The following HMCN2 variants were observed in gnomAD, a reference collection of about 807,000 sequenced individuals.
HMCN2 encodes the protein hemicentin-2.
In HMCN2, 325 loss-of-function variants were observed where a neutral mutation model predicts 377.5. The observed-to-expected ratio is 0.86, with a 90% CI of 0.79 to 0.94. The LOEUF (loss-of-function observed/expected upper bound fraction) is 0.94. Among genes scored for constraint, HMCN2 ranks in the 40% least tolerant of loss-of-function variants. The pLI is 0.00. For synonymous variants in HMCN2, 2,007 were observed against 2,046.8 expected, an observed-to-expected ratio of 0.98 and a Z score of 0.53; for missense variants, 4,543 against 4,725.3, an observed-to-expected ratio of 0.96 and a Z score of 1.13.
Position 130,349,026 on chromosome 9 carries a change from T to C in HMCN2, c.4198T>C (p.Ser1400Pro). The stretch of plus-strand genomic sequence containing the variant: ...CCACCGCCTCCTGGACGAGGGCCAG[T>C]CCCTCCACTTCCCCAGGATCCAGGA... ...GGHRLLDEGQ[S>P]LHFPRIQEGD... The change falls in exon 28 of 98, where the codon TCC (serine) becomes CCC (proline). Residue 1400 changes from serine (S) to proline (P), a missense_variant. Physicochemically the swap from Ser to Pro is moderately conservative, Grantham distance 74. This residue lies in a region of HMCN2 where 1,032 missense variants were observed against 1,285.1 expected (regional missense o/e 0.80). Transcript: ENST00000683500. 1 of 1,304,126 alleles carries C rather than the reference T, an allele frequency of 7.7e-7. No homozygotes were observed. The highest frequency in any genetic ancestry group is 1.5e-5 in the African/African-American group (1 of 65,938). The allele number at this position is 1,304,126 out of a possible 1,614,324, so 80.8% of individuals were successfully genotyped here. A position where few individuals can be genotyped will look rare whatever the true frequency, so the allele number is the denominator to read the frequency against.
At chr9:130,298,586 C>T (rs1418908173) in intron 7 of HMCN2, among the ~76,000 whole-genome samples, 1 of 152,134 alleles carries the variant, frequency 6.6e-6, no homozygotes, top group East Asian at 1.9e-4. Flanking sequence ...ACATTTCCAT[C>T]AAGACAGTAA....
intron 86 of HMCN2, among the ~76,000 whole-genome samples, chr9:130,420,872 G>A (rs781557941): frequency 1.3e-4 from 20 of 152,038 alleles, no homozygotes; most frequent in Non-Finnish European, 2.4e-4. Context: ...TTTGGGTGGT[G>A]TGGTAGCATT....
At chr9:130,336,150 A>G (rs1359833439) in intron 22 of HMCN2, among the ~76,000 whole-genome samples, 8 of 152,190 alleles carry the variant, frequency 5.3e-5, no homozygotes, top group African/African-American at 9.7e-5. Context: ...AAGGAAGGAA[A>G]GAAGGAAGAG....
At chr9:130,400,975 G>C (rs1842836310) in intron 77 of HMCN2, 28 bp downstream of exon 77, 1 of 1,273,466 alleles carries the variant, frequency 7.9e-7, no homozygotes, top group Non-Finnish European at 1.0e-6. Context: ...ACAGAGAGAG[G>C]CAGCTGAGGG....
In HMCN2 at chr9:130,369,531, A is replaced by C. The variant is rs983007767; in HGVS notation, c.6788-39A>C. The C allele has an allele frequency of 1.4e-5, 14 of 982,722 alleles. No individual in the cohort carries two copies. The highest frequency in any genetic ancestry group is 1.7e-5 in the Non-Finnish European group (14 of 827,294). The allele number at this position is 982,722 out of a possible 1,614,324, so 60.9% of individuals were successfully genotyped here. A position where few individuals can be genotyped will look rare whatever the true frequency, so the allele number is the denominator to read the frequency against. On this transcript the variant is annotated intron_variant, in intron 44 of 97. Transcript: ENST00000683500. The surrounding 1 kb of genome is among the most constrained non-coding windows in gnomAD (Gnocchi z 4.5). ...TAAGTGTGTGGTGCCTGGTGGCCCC[A>C]GCAGCTTTCTCTGATGGGCTTTCTC... is the stretch of plus-strand genomic sequence containing the variant.
At chr9:130,287,482 C>T (rs1835477049) in intron 4 of HMCN2, among the ~76,000 whole-genome samples, 1 of 134,362 alleles carries the variant, frequency 7.4e-6, no homozygotes, top group African/African-American at 2.8e-5. Flanking sequence ...ACCTGGGAGG[C>T]GGAGGTTGTG....
rs538662016 is a variant in HMCN2 at position 130,308,025 on chromosome 9, C to G, written c.2200+459C>G. Among the ~76,000 whole-genome samples, 1 of 151,996 alleles carries G rather than the reference C, an allele frequency of 6.6e-6. No individual in the cohort carries two copies. The highest frequency in any genetic ancestry group is 2.4e-5 in the African/African-American group (1 of 41,418). ...AGGCTGGTGTGCAGTGGTGTAATCT[C>G]GGCTCACTGCAGCCTCCACCTCCTG... On this transcript the variant is annotated intron_variant, in intron 14 of 97. Coordinates refer to ENST00000683500, the MANE Select transcript of HMCN2 (RefSeq NM_001291815.2). The surrounding 1 kb of genome is among the most constrained non-coding windows in gnomAD (Gnocchi z 4.1).
rs1588280877 is a variant in HMCN2 at position 130,347,868 on chromosome 9, T to A, written c.4024+508T>A. 1.2e-5 allele frequency: 4 copies of A among 326,560 alleles called. No individual in the cohort carries two copies. The highest frequency in any genetic ancestry group is 1.8e-5 in the Non-Finnish European group (4 of 228,190). The allele number at this position is 326,560 out of a possible 1,614,324, so 20.2% of individuals were successfully genotyped here. ...CTCTACATAAAATAAACTTAAAAAATTATTTTTAAAAATGAGCACGGATGG... is the reference window on the plus strand; with the variant it reads ...CTCTACATAAAATAAACTTAAAAAAATATTTTTAAAAATGAGCACGGATGG... On this transcript the variant is annotated intron_variant, in intron 26 of 97. Coordinates refer to ENST00000683500, the MANE Select transcript of HMCN2 (RefSeq NM_001291815.2). The surrounding 1 kb of genome is among the most constrained non-coding windows in gnomAD (Gnocchi z 5.1).
At position 130,360,874 on chromosome 9, in the gene HMCN2, T is replaced by C. The variant is rs1320185185; in HGVS notation, c.5950+270T>C. On this transcript the variant is annotated intron_variant, in intron 38 of 97. Transcript: ENST00000683500. The surrounding 1 kb of genome is among the most constrained non-coding windows in gnomAD (Gnocchi z 4.7). The stretch of plus-strand genomic sequence containing the variant: ...CCACCCATCCATCCATCAACTCATC[T>C]ATCCATCCATCCATCCATCCATCTC... Among the ~76,000 whole-genome samples, 3 of 150,068 alleles carry C rather than the reference T, an allele frequency of 2.0e-5. No homozygotes were observed. Among genetic ancestry groups the C allele is most frequent in the African/African-American group, 4.9e-5 (2 of 40,738 alleles).
chr9:130,398,219 C>T (rs1732181694), intron 74 of HMCN2, among the ~76,000 whole-genome samples: 1 of 142,552 alleles, frequency 7.0e-6, no homozygotes, highest in Non-Finnish European at 1.5e-5. Context: ...TCACTAGAAT[C>T]AGATGCCCCA....
intron 1 of HMCN2, among the ~76,000 whole-genome samples, chr9:130,279,134 C>T (rs1226009730): frequency 6.9e-6 from 1 of 145,510 alleles, no homozygotes; most frequent in Non-Finnish European, 1.5e-5. Context: ...CTCCTGACCT[C>T]GTGATCCACC....
intron 15 of HMCN2, among the ~76,000 whole-genome samples, chr9:130,311,907 G>C (rs1358075944): frequency 1.3e-5 from 2 of 152,026 alleles, no homozygotes; most frequent in East Asian, 3.9e-4. Context: ...CTGTGGCTGG[G>C]TTCTCAGGTA....
At position 130,273,793 on chromosome 9, in the gene HMCN2, C is replaced by T. The variant is rs112903804; in HGVS notation, c.259+7656C>T. 3.2e-3 allele frequency among the ~76,000 whole-genome samples: 486 copies of T among 152,144 alleles called. 1 individual carries two copies. The highest frequency in any genetic ancestry group is 0.011 in the African/African-American group (466 of 41,500). On this transcript the variant is annotated intron_variant, in intron 1 of 97. Transcript: ENST00000683500. ...GATTACAGGCGTGCGCCTCCGCGCC[C>T]GGCCATCTTGTCTTGCTTTTGATTT...
chr9:130,407,335 G>A (rs1194880525), intron 82 of HMCN2: 3 of 285,864 alleles, frequency 1.0e-5, no homozygotes, highest in Non-Finnish European at 2.1e-5. Context: ...CCAAAAACCT[G>A]CCCTTGACCG....
intron 49 of HMCN2, 111 bp from the exon 50 acceptor site, chr9:130,375,452 T>A (rs749712083): frequency 5.2e-5 from 28 of 534,828 alleles, no homozygotes; most frequent in Non-Finnish European, 6.5e-5. Flanking sequence ...ATCTCTGTAA[T>A]GTAACTGACA....
intron 25 of HMCN2, among the ~76,000 whole-genome samples, chr9:130,343,241 G>A (rs1454730547): frequency 1.3e-5 from 2 of 152,188 alleles, no homozygotes; most frequent in East Asian, 1.9e-4. Flanking sequence ...TGCATGGCTG[G>A]GAGCACCGCC....
intron 90 of HMCN2, among the ~76,000 whole-genome samples, chr9:130,426,760 A>ATT (rs71387349): frequency 0.26 from 36,983 of 143,534 alleles, 5,506 homozygotes; most frequent in South Asian, 0.39. Flanking sequence ...ATTTTTTGTG[A>ATT]TTTTTTTTTT....
chr9:130,407,678 C>G lies in HMCN2; in HGVS notation c.12661C>G (p.Gln4221Glu), dbSNP rs570561816. Residue 4221 changes from glutamine (Q) to glutamate (E), a missense_variant, in exon 83 of 98, where the codon CAG (glutamine) becomes GAG (glutamate). Physicochemically the swap from Gln to Glu is conservative, Grantham distance 29. Around this residue, in one of 5 missense-constraint regions of HMCN2, gnomAD observed 1,073 missense variants for 1,319.5 expected, o/e 0.81. Coordinates refer to ENST00000683500, the MANE Select transcript of HMCN2 (RefSeq NM_001291815.2). ...GGCGGAGAACAGAGTGGGCCGCACG[C>G]AGGCGGTCAGCTTCGTCCACGTGAA... The part of the protein sequence containing the change: ...CWAENRVGRT[Q>E]AVSFVHVKEA... 3.2e-6 allele frequency: 4 copies of G among 1,259,068 alleles called. No individual in the cohort carries two copies. The South Asian group carries it at 3.8e-5, about 12-fold the overall frequency. 78.0% of individuals were successfully genotyped at this position (1,259,068 alleles called of 1,614,324 possible).
At chr9:130,314,510 G>A (rs1450941721) in intron 15 of HMCN2, among the ~76,000 whole-genome samples, 6 of 152,188 alleles carry the variant, frequency 3.9e-5, no homozygotes, top group Non-Finnish European at 8.8e-5. Flanking sequence ...GGCATCTTGT[G>A]GCCCTGACCA....
Sources: allele counts gnomAD v4.1 joint callset (sites outside exome capture counted in the v4.1 genomes callset), GRCh38; gene constraint gnomAD v4.1.1; regional missense constraint gnomAD v4.1.1; non-coding constraint Gnocchi (gnomAD v3.1); transcripts MANE v1.5; gene names NCBI Gene and HGNC (gene_info 2026-07-23, HGNC 2026-07-21).